The following FERMT2 variants were observed in gnomAD, a reference collection of about 807,000 sequenced individuals.
FERMT2 encodes fermitin family homolog 2.
In FERMT2, 15 loss-of-function variants were observed where a neutral mutation model predicts 82.7. The observed-to-expected ratio is 0.18, with a 90% confidence interval of 0.12 to 0.28. The LOEUF (loss-of-function observed/expected upper bound fraction) is 0.28. Ranked by LOEUF, FERMT2 falls within the 10% of genes least tolerant of loss-of-function variation. The pLI, the probability that FERMT2 is intolerant of heterozygous loss-of-function variation, is 1.00. For synonymous variants in FERMT2, 274 were observed against 271.5 expected, an observed-to-expected ratio of 1.01 and a Z score of -0.09; for missense variants, 645 against 809.4, an observed-to-expected ratio of 0.80 and a Z score of 2.46.
rs1015020067 is a variant in FERMT2 at position 52,886,284 on chromosome 14, A to C, written c.527-4815T>G. Among the ~76,000 whole-genome samples, 7 of 138,618 alleles carry C rather than the reference A, an allele frequency of 5.0e-5. No individual in the cohort carries two copies. In the East Asian group the frequency reaches 1.6e-3, roughly 32 times the overall value. The allele number at this position is 138,618 out of a possible 152,430, so 90.9% of individuals were successfully genotyped here. On this transcript the variant is annotated intron_variant, in intron 4 of 14. Coordinates refer to ENST00000341590, the MANE Select transcript of FERMT2 (RefSeq NM_006832.3). ...AGAAACTCTTGGGGGGGAGAGAGAG[A>C]GAGAGAGACAGACAGAGTGTGTGTG...
chr14:52,882,423 G>T (rs1031831223), intron 4 of FERMT2, among the ~76,000 whole-genome samples: 18 of 152,076 alleles, frequency 1.2e-4, no homozygotes, highest in African/African-American at 3.9e-4. Flanking sequence ...ATAACAATTT[G>T]TTACATTAGT....
At chr14:52,906,280 C>G (rs1050390690) in intron 3 of FERMT2, among the ~76,000 whole-genome samples, 1 of 151,990 alleles carries the variant, frequency 6.6e-6, no homozygotes, top group Admixed American at 6.6e-5. Context: ...TGGAAAGAAC[C>G]GACGGCTAAA....
intron 9 of FERMT2, among the ~76,000 whole-genome samples, chr14:52,873,387 G>A (rs190042128): frequency 1.1e-4 from 17 of 152,224 alleles, no homozygotes; most frequent in South Asian, 4.2e-4. Context: ...TTCTTTCTCC[G>A]GGGTAAATTC....
chr14:52,880,834 G>A (rs778413419), intron 6 of FERMT2, among the ~76,000 whole-genome samples: 2 of 151,774 alleles, frequency 1.3e-5, no homozygotes, highest in African/African-American at 4.8e-5. Context: ...ACAATAAAAA[G>A]GTTTAGTTAT....
intron 9 of FERMT2, among the ~76,000 whole-genome samples, 197 bp downstream of exon 9, chr14:52,873,979 TA>T (rs1885800451): frequency 6.6e-6 from 1 of 151,656 alleles, no homozygotes; most frequent in South Asian, 2.1e-4. Flanking sequence ...AAAAATCTGA[TA>T]AAAGAATGAG....
chr14:52,860,208 CTT>C (rs1455905641), intron 13 of FERMT2, 131 bp downstream of exon 13: 3 of 645,266 alleles, frequency 4.6e-6, no homozygotes, highest in East Asian at 3.0e-5. Context: ...TTCTAACAGT[CTT>C]TGAATTCTAT....
chr14:52,911,167 C>T (rs1888288654), intron 3 of FERMT2, among the ~76,000 whole-genome samples: 1 of 152,180 alleles, frequency 6.6e-6, no homozygotes, highest in Non-Finnish European at 1.5e-5. Context: ...CTCAATACTG[C>T]TGCTATAACG....
intron 4 of FERMT2, among the ~76,000 whole-genome samples, chr14:52,887,722 G>C (rs1886695955): frequency 6.6e-6 from 1 of 151,972 alleles, no homozygotes; most frequent in Admixed American, 6.6e-5. Flanking sequence ...GCCTGGATGT[G>C]AATTCTAGCT....
intron 3 of FERMT2, among the ~76,000 whole-genome samples, chr14:52,902,960 G>C (rs1250472623): frequency 7.7e-6 from 1 of 130,640 alleles, no homozygotes; most frequent in African/African-American, 2.9e-5. Flanking sequence ...ATAAAGTCAA[G>C]CAAGTGGATC....
chr14:52,950,897 C>A (rs1008790673), intron 1 of FERMT2, 24 bp downstream of exon 1: 1 of 193,826 alleles, frequency 5.2e-6, no homozygotes, highest in African/African-American at 2.3e-5. Flanking sequence ...CCCCTCGGGT[C>A]CCGGCGGGGT....
intron 3 of FERMT2, among the ~76,000 whole-genome samples, chr14:52,918,802 G>A (rs1453649040): frequency 6.6e-6 from 1 of 152,144 alleles, no homozygotes; most frequent in Non-Finnish European, 1.5e-5. Flanking sequence ...ATCAAATAGT[G>A]ACTTATGTGA....
At chr14:52,898,264 G>C (rs181647855) in intron 3 of FERMT2, among the ~76,000 whole-genome samples, 91 of 152,228 alleles carry the variant, frequency 6.0e-4, no homozygotes, top group African/African-American at 2.0e-3. Context: ...CCACTTTCTT[G>C]AAAGCATCTA....
intron 4 of FERMT2, among the ~76,000 whole-genome samples, chr14:52,891,851 A>C (rs746742997): frequency 6.6e-5 from 10 of 152,182 alleles, no homozygotes; most frequent in Non-Finnish European, 1.3e-4. Flanking sequence ...TAACCTAATT[A>C]ATTAGCCACT....
At chr14:52,906,946 T>TG (rs35563714) in intron 3 of FERMT2, among the ~76,000 whole-genome samples, 583 of 46,120 alleles carry the variant, frequency 0.013, 8 homozygotes, top group Middle Eastern at 0.038. Context: ...CATCAATTAT[T>TG]GGGGGGGGGG....
Position 52,902,889 on chromosome 14 carries a change from A to AAAAAAAC in FERMT2, c.392-9463_392-9462insGTTTTTT, listed in dbSNP as rs1566740566. ...GTCTCAAAAAAAAAAAAAAAAAAAA[A>AAAAAAAC]AACCCCAAAACACTGAAAATTAAAA... On this transcript the variant is annotated intron_variant, in intron 3 of 14. Coordinates refer to ENST00000341590, the MANE Select transcript of FERMT2 (RefSeq NM_006832.3). 8.6e-5 allele frequency among the ~76,000 whole-genome samples: 12 copies of AAAAAAAC among 140,048 alleles called. 1 individual carries two copies. Among genetic ancestry groups the AAAAAAAC allele is most frequent in the African/African-American group, 3.2e-4 (12 of 37,870 alleles). The allele number at this position is 140,048 out of a possible 152,430, so 91.9% of individuals were successfully genotyped here. A position where few individuals can be genotyped will look rare whatever the true frequency, so the allele number is the denominator to read the frequency against.
intron 6 of FERMT2, among the ~76,000 whole-genome samples, chr14:52,880,268 GT>G (rs1184677896): frequency 6.6e-6 from 1 of 152,012 alleles, no homozygotes; most frequent in Non-Finnish European, 1.5e-5. Context: ...AGAAAAAAAC[GT>G]TTTTTTGAAG....
At chr14:52,948,188 C>A (rs1434758254) in intron 2 of FERMT2, among the ~76,000 whole-genome samples, 1 of 152,218 alleles carries the variant, frequency 6.6e-6, no homozygotes, top group Non-Finnish European at 1.5e-5. Flanking sequence ...TCTCTAGCCA[C>A]TGTTGGCAAG....
At position 52,950,556 on chromosome 14, in the gene FERMT2, C is replaced by T; in HGVS notation, c.13G>A (p.Gly5Arg). 1 of 1,613,676 alleles carries T rather than the reference C, an allele frequency of 6.2e-7. No homozygotes were observed. Among genetic ancestry groups the T allele is most frequent in the Middle Eastern group, 1.6e-4 (1 of 6,062 alleles). The change falls in exon 2 of 15, where the codon GGG becomes AGG. Residue 5 changes from glycine (G) to arginine (R), a missense_variant. By Grantham distance (125) the Gly-to-Arg change is moderately radical. Transcript: ENST00000341590. ...TAGCAGCCATCTGGCATCCTTATCCCGTCCAGAGCCATGGCTCCTTCCTGC... is the reference window on the plus strand; with the variant it reads ...TAGCAGCCATCTGGCATCCTTATCCTGTCCAGAGCCATGGCTCCTTCCTGC... Reference protein sequence around the residue: MALDGIRMPDGCYAD... With the variant: MALDRIRMPDGCYAD...
At chr14:52,860,576 G>GT (rs1296816878) in intron 12 of FERMT2, 111 bp from the exon 13 acceptor site, 5 of 875,144 alleles carry the variant, frequency 5.7e-6, no homozygotes, top group Non-Finnish European at 8.6e-6. Context: ...AAATCATATT[G>GT]TAAGAGTTGA....
Sources: allele counts gnomAD v4.1 joint callset (sites outside exome capture counted in the v4.1 genomes callset), GRCh38; gene constraint gnomAD v4.1.1; transcripts MANE v1.5; gene names NCBI Gene and HGNC (gene_info 2026-07-23, HGNC 2026-07-21).